The following PIEZO1 variants were observed in gnomAD, a reference collection of about 807,000 sequenced individuals.
The protein encoded by PIEZO1 is piezo type mechanosensitive ion channel component 1 (Er blood group).
In PIEZO1, 296 loss-of-function variants were observed where a neutral mutation model predicts 297.2. The ratio of observed to expected loss-of-function variants is 1.00; its 90% CI spans 0.91 to 1.10. The LOEUF (loss-of-function observed/expected upper bound fraction) is 1.10. Ranked by LOEUF, PIEZO1 falls within the 50% of genes least tolerant of loss-of-function variation. The pLI, the probability that PIEZO1 is intolerant of heterozygous loss-of-function variation, is 0.00. For synonymous variants in PIEZO1, 2,427 were observed against 1,507.5 expected, an observed-to-expected ratio of 1.61 and a Z score of -14.13; for missense variants, 5,018 against 3,455.5, an observed-to-expected ratio of 1.45 and a Z score of -11.34.
At chr16:88,757,206 G>A (rs1050889622) in intron 1 of PIEZO1, among the ~76,000 whole-genome samples, 44 of 152,120 alleles carry the variant, frequency 2.9e-4, no homozygotes, top group African/African-American at 9.2e-4. Context: ...CTGAGCCCTC[G>A]GAGCCGGGGG....
At chr16:88,748,291 C>T (rs561917645) in intron 2 of PIEZO1, among the ~76,000 whole-genome samples, 32 of 7,910 alleles carry the variant, frequency 4.0e-3, no homozygotes, top group African/African-American at 0.014. Context: ...TCTCCTAAAA[C>T]GTGGGCACAA....
rs552296763 is a variant in PIEZO1, at chr16:88,773,401, G to T, written c.64+11500C>A. Among the ~76,000 whole-genome samples the T allele has an allele frequency of 3.3e-5, 5 of 152,396 alleles. No homozygotes were observed. In the East Asian group the frequency reaches 7.7e-4, roughly 23 times the overall value. On this transcript the variant is annotated intron_variant, in intron 1 of 50. Transcript: ENST00000301015. Reference sequence around the variant, plus strand: ...GGGGCCTTGCCCGAGACCAGAGGTGGCTGGGGGCCGAGGGTCGGCAGGAAG... The same window carrying T: ...GGGGCCTTGCCCGAGACCAGAGGTGTCTGGGGGCCGAGGGTCGGCAGGAAG...
chr16:88,725,163 A>G lies in PIEZO1; in HGVS notation c.4163-83T>C, dbSNP rs1219625275. 5 of 984,634 alleles carry G rather than the reference A, an allele frequency of 5.1e-6. No individual in the cohort carries two copies. The East Asian group carries it at 1.4e-4, about 28-fold the overall frequency. The allele number at this position is 984,634 out of a possible 1,614,324, so 61.0% of individuals were successfully genotyped here. On this transcript the variant is annotated intron_variant, in intron 29 of 50. Coordinates refer to ENST00000301015, the MANE Select transcript of PIEZO1 (RefSeq NM_001142864.4). Reference sequence around the variant, plus strand: ...CTGTGAGTGCTCCCGTCTTGGAGACAGGATAGGTGGAGACAGACACGGACA... The same window carrying G: ...CTGTGAGTGCTCCCGTCTTGGAGACGGGATAGGTGGAGACAGACACGGACA...
intron 12 of PIEZO1, among the ~76,000 whole-genome samples, chr16:88,735,559 G>C (rs1905155684): frequency 6.6e-6 from 1 of 152,290 alleles, no homozygotes; most frequent in South Asian, 2.1e-4. Context: ...CCACATGCTG[G>C]AGTGCATGTT....
intron 3 of PIEZO1, 67 bp from the exon 4 acceptor site, chr16:88,742,162 T>C: frequency 6.6e-7 from 1 of 1,525,436 alleles, no homozygotes; most frequent in South Asian, 1.2e-5. Flanking sequence ...TGGTCATCCC[T>C]GGAGCGTTTC....
At chr16:88,772,217 C>T (rs1907457195) in intron 1 of PIEZO1, among the ~76,000 whole-genome samples, 1 of 152,254 alleles carries the variant, frequency 6.6e-6, no homozygotes, top group African/African-American at 2.4e-5. Flanking sequence ...AGATCCAGCA[C>T]CTGTGTCCAG....
chr16:88,739,052 G>C, intron 5 of PIEZO1: 1 of 394,794 alleles, frequency 2.5e-6, no homozygotes, highest in Middle Eastern at 7.1e-4. Context: ...ACCACAGACT[G>C]TCCTATACCA....
Position 88,784,939 on chromosome 16 carries a change from A to T in PIEZO1, c.26T>A (p.Val9Asp). The T allele has an allele frequency of 1.4e-6, 2 of 1,399,984 alleles. No homozygotes were observed. The highest frequency in any genetic ancestry group is 6.6e-5 in the East Asian group (2 of 30,458). The allele number at this position is 1,399,984 out of a possible 1,614,324, so 86.7% of individuals were successfully genotyped here. A position where few individuals can be genotyped will look rare whatever the true frequency, so the allele number is the denominator to read the frequency against. The change falls in exon 1 of 51, where the codon GTC becomes GAC. Residue 9 changes from valine to aspartate, a missense_variant. Coordinates refer to ENST00000301015, the MANE Select transcript of PIEZO1 (RefSeq NM_001142864.4). ...GCAGGGCAGCAGCAGCCAGTACAGG[A>T]CCGCGCCGAGCACGTGCGGCTCCAT... MEPHVLGA[V>D]LYWLLLPCAL...
intron 1 of PIEZO1, among the ~76,000 whole-genome samples, chr16:88,771,222 C>G (rs2142899213): frequency 1.3e-5 from 2 of 152,300 alleles, no homozygotes; most frequent in Middle Eastern, 3.4e-3. Flanking sequence ...ACTCTGCACC[C>G]AGTGACCCCC....
intron 19 of PIEZO1, 44 bp downstream of exon 19, chr16:88,733,234 G>A (rs541239701): frequency 3.9e-5 from 59 of 1,513,718 alleles, no homozygotes; most frequent in Non-Finnish European, 5.1e-5. Flanking sequence ...CGAATACAGA[G>A]TTGCCTGGAG....
chr16:88,752,134 C>A (rs1025387212), intron 1 of PIEZO1, among the ~76,000 whole-genome samples: 1 of 152,298 alleles, frequency 6.6e-6, no homozygotes. Flanking sequence ...GATGGCTGCA[C>A]AACAATGCGA....
intron 30 of PIEZO1, among the ~76,000 whole-genome samples, chr16:88,724,328 C>T (rs1047531356): frequency 1.3e-5 from 2 of 151,962 alleles, no homozygotes; most frequent in Non-Finnish European, 2.9e-5. Flanking sequence ...GTCAGAGGTT[C>T]GAGACCAGCC....
At chr16:88,768,313 G>T (rs985772855) in intron 1 of PIEZO1, among the ~76,000 whole-genome samples, 1 of 152,186 alleles carries the variant, frequency 6.6e-6, no homozygotes, top group Non-Finnish European at 1.5e-5. Context: ...ACGGCAGGCC[G>T]GCTCCAAGAA....
rs533555270 is a variant in PIEZO1, at chr16:88,732,712, G to A, written c.2685C>T (p.Asn895=). ...NCTEPFPNST[N]LLPTEISQSL... ...ACTGGCTGATCTCCGTGGGCAGCAA[G>A]TTGGTGCTGTTGGGGAAGGGCTGGC... Residue 895 remains asparagine (N), a synonymous_variant, in exon 20 of 51, where the codon AAC becomes AAT. Transcript: ENST00000301015. 180 of 1,548,072 alleles carry A rather than the reference G, an allele frequency of 1.2e-4. No homozygotes were observed. In the African/African-American group the frequency reaches 2.2e-3, roughly 19 times the overall value.
chr16:88,756,833 T>C (rs555156419), intron 1 of PIEZO1, among the ~76,000 whole-genome samples: 7 of 151,572 alleles, frequency 4.6e-5, no homozygotes, highest in African/African-American at 1.2e-4. Flanking sequence ...TCCCAGCACT[T>C]TGGGAGGCCG....
chr16:88,730,899 G>A (rs11646193), intron 22 of PIEZO1, among the ~76,000 whole-genome samples: 46,935 of 152,196 alleles, frequency 0.31, 9,248 homozygotes, highest in African/African-American at 0.56. Context: ...AGACAGCAGA[G>A]AGAAAGTCTG....
chr16:88,752,196 C>T (rs890074237), intron 1 of PIEZO1, among the ~76,000 whole-genome samples: 1 of 152,224 alleles, frequency 6.6e-6, no homozygotes, highest in Non-Finnish European at 1.5e-5. Flanking sequence ...ACGTGACAAA[C>T]TTTAGGCCGG....
rs1912348267 is a variant in PIEZO1, at chr16:88,720,431, TC to T, written c.5902del (p.Asp1968MetfsTer42). The T allele has an allele frequency of 1.3e-6, 2 of 1,550,150 alleles. No individual in the cohort carries two copies. The highest frequency in any genetic ancestry group is 1.7e-6 in the Non-Finnish European group (2 of 1,146,912). On this transcript the variant is annotated frameshift_variant, in exon 41 of 51. Transcript: ENST00000301015. LOFTEE classifies it high-confidence loss of function. ...TDVYALMFLA[D>X]VVDFIIIIFG... Reference sequence around the variant, plus strand: ...AATGATGATGATGAAGTCGACAACATCAGCCAGGAACATGAGGGCATAGACG... The same window carrying T: ...AATGATGATGATGAAGTCGACAACATAGCCAGGAACATGAGGGCATAGACG...
chr16:88,751,256 A>C (rs889665474), intron 1 of PIEZO1, among the ~76,000 whole-genome samples: 6 of 152,330 alleles, frequency 3.9e-5, no homozygotes, highest in African/African-American at 1.4e-4. Context: ...CTCCACGGAC[A>C]GCACAGGAGG....
Sources: gnomAD v4.1 joint callset for allele counts (sites outside exome capture counted in the v4.1 genomes callset) on GRCh38, gnomAD v4.1.1 for gene constraint, MANE v1.5 for transcripts, NCBI Gene and HGNC (gene_info 2026-07-23, HGNC 2026-07-21) for gene names.